The following STPG2 variants were observed in gnomAD, a reference collection of about 807,000 sequenced individuals.
STPG2 encodes sperm-tail PG-rich repeat-containing protein 2.
In STPG2, 56 loss-of-function variants were observed where a neutral mutation model predicts 54.2. The observed-to-expected ratio is 1.03, with a 90% CI of 0.83 to 1.29. STPG2 has a LOEUF of 1.29. Among genes scored for constraint, STPG2 ranks in the 50% most tolerant of loss-of-function variants. The pLI is 0.00. For synonymous variants in STPG2, 200 were observed against 181.8 expected (o/e 1.10, Z -0.81); for missense variants, 596 against 544.9 (o/e 1.09, Z -0.93).
At chr4:97,904,132 C>T (rs1044108174) in intron 8 of STPG2, among the ~76,000 whole-genome samples, 4 of 152,206 alleles carry the variant, frequency 2.6e-5, no homozygotes, top group Admixed American at 6.5e-5. Context: ...TCTGTAGGCT[C>T]CACCTCTGGG....
intron 9 of STPG2, among the ~76,000 whole-genome samples, chr4:97,826,659 T>C (rs904180430): frequency 6.6e-6 from 1 of 152,220 alleles, no homozygotes; most frequent in Admixed American, 6.5e-5. Flanking sequence ...AACACAAAAG[T>C]GAAATTTGTA....
intron 5 of STPG2, among the ~76,000 whole-genome samples, chr4:98,096,807 A>G (rs1738873650): frequency 6.6e-6 from 1 of 152,092 alleles, no homozygotes; most frequent in African/African-American, 2.4e-5. Flanking sequence ...AAAGGAATGA[A>G]TTTGCAGAAA....
intron 5 of STPG2, among the ~76,000 whole-genome samples, chr4:98,020,834 A>AG (rs1736158630): frequency 1.3e-5 from 2 of 152,070 alleles, no homozygotes; most frequent in Admixed American, 1.3e-4. Context: ...CTCTGATGGT[A>AG]GTTTGTATTT....
chr4:97,845,463 T>G (rs939566179), intron 8 of STPG2, among the ~76,000 whole-genome samples: 3 of 152,164 alleles, frequency 2.0e-5, no homozygotes, highest in Non-Finnish European at 4.4e-5. Context: ...ACATTTGAAT[T>G]TGTCTTTTTC....
chr4:97,714,523 G>A (rs1375786638), intron 9 of STPG2, among the ~76,000 whole-genome samples: 1 of 152,102 alleles, frequency 6.6e-6, no homozygotes, highest in Non-Finnish European at 1.5e-5. Context: ...TTCCTTGTGG[G>A]AAGCTAATGT....
intron 5 of STPG2, among the ~76,000 whole-genome samples, chr4:98,072,836 G>A (rs1738048373): frequency 6.6e-6 from 1 of 152,130 alleles, no homozygotes; most frequent in East Asian, 1.9e-4. Context: ...AGCCAACCTA[G>A]CAGCTCTAAA....
At chr4:97,500,362 G>GAAGC (rs1436977318) in intron 4 of STPG2, among the ~76,000 whole-genome samples, 1 of 152,082 alleles carries the variant, frequency 6.6e-6, no homozygotes, top group Non-Finnish European at 1.5e-5. Context: ...GACTATTAAA[G>GAAGC]AAGCAGAAAC....
At position 97,537,221 on chromosome 4, in the gene STPG2, G is replaced by A. The variant is rs192348463; in HGVS notation, c.462+175478C>T. 4.2e-3 allele frequency among the ~76,000 whole-genome samples: 637 copies of A among 152,236 alleles called. 3 individuals are homozygous for A. The highest frequency in any genetic ancestry group is 0.02 in the South Asian group (98 of 4,824). On this transcript the variant is annotated intron_variant, in intron 4 of 4. Transcript: ENST00000522676. ...TGCAGGACAGTGGGTGCAGTGAACC[G>A]AGTGTGAGCCAAAACAGGACGAGGC... is the stretch of plus-strand genomic sequence containing the variant.
intron 4 of STPG2, among the ~76,000 whole-genome samples, chr4:97,454,566 A>ATTCAAAAG (rs1355400360): frequency 7.1e-6 from 1 of 141,676 alleles, no homozygotes; most frequent in Non-Finnish European, 1.6e-5. Context: ...AAGAAAAGGG[A>ATTCAAAAG]TTCAAAAGTT....
At chr4:97,612,434 A>C (rs2148916001) in intron 10 of STPG2, among the ~76,000 whole-genome samples, 1 of 152,214 alleles carries the variant, frequency 6.6e-6, no homozygotes, top group Non-Finnish European at 1.5e-5. Flanking sequence ...TACACTATAA[A>C]TACTCAGACG....
At chr4:97,933,474 C>T (rs2149220851) in intron 8 of STPG2, among the ~76,000 whole-genome samples, 1 of 151,988 alleles carries the variant, frequency 6.6e-6, no homozygotes, top group South Asian at 2.1e-4. Flanking sequence ...CTAGATTTTC[C>T]CCCAGGGTTT....
intron 9 of STPG2, among the ~76,000 whole-genome samples, chr4:97,756,606 G>A (rs1376752606): frequency 5.9e-5 from 9 of 152,052 alleles, no homozygotes; most frequent in African/African-American, 9.7e-5. Context: ...TATTACAGGC[G>A]TGAGCCACCG....
At chr4:98,010,941 G>A (rs1447030131) in intron 5 of STPG2, among the ~76,000 whole-genome samples, 2 of 151,890 alleles carry the variant, frequency 1.3e-5, no homozygotes, top group African/African-American at 4.8e-5. Context: ...TTATATTATT[G>A]ATGTTATATA....
chr4:97,561,626 A>G (rs1732246888), intron 10 of STPG2, among the ~76,000 whole-genome samples: 1 of 152,170 alleles, frequency 6.6e-6, no homozygotes, highest in Non-Finnish European at 1.5e-5. Context: ...ATTTTTGTAT[A>G]AGGGGTAAGG....
At chr4:97,541,607 T>C (rs1731707136) in intron 4 of STPG2, among the ~76,000 whole-genome samples, 1 of 152,136 alleles carries the variant, frequency 6.6e-6, no homozygotes, top group Admixed American at 6.5e-5. Flanking sequence ...CTTCACAGAA[T>C]TGGAAAAACC....
At chr4:98,136,326 A>G (rs1419840174) in intron 1 of STPG2, among the ~76,000 whole-genome samples, 7 of 151,736 alleles carry the variant, frequency 4.6e-5, no homozygotes, top group Non-Finnish European at 7.4e-5. Context: ...TTGAAAATAT[A>G]GTAAATTGAA....
At chr4:97,552,489 C>A (rs1731986842) in intron 4 of STPG2, among the ~76,000 whole-genome samples, 1 of 151,962 alleles carries the variant, frequency 6.6e-6, no homozygotes, top group African/African-American at 2.4e-5. Flanking sequence ...ATTCTAATTT[C>A]TAAGTAATAC....
intron 9 of STPG2, among the ~76,000 whole-genome samples, chr4:97,717,616 G>T (rs891266911): frequency 7.9e-5 from 12 of 152,108 alleles, no homozygotes; most frequent in African/African-American, 2.4e-4. Context: ...ACATCCATAA[G>T]CCCTGTCAAG....
chr4:98,007,667 C>T (rs1029529409), intron 5 of STPG2, among the ~76,000 whole-genome samples: 1 of 151,588 alleles, frequency 6.6e-6, no homozygotes, highest in Non-Finnish European at 1.5e-5. Context: ...GTTAATGAAA[C>T]TCAATGAGAT....
Sources: gnomAD v4.1 joint callset for allele counts (sites outside exome capture counted in the v4.1 genomes callset) on GRCh38, gnomAD v4.1.1 for gene constraint, MANE v1.5 for transcripts, NCBI Gene and HGNC (gene_info 2026-07-23, HGNC 2026-07-21) for gene names.